The following DNMT3L variants were observed in gnomAD, a reference collection of about 807,000 sequenced individuals.
DNMT3L encodes DNA (cytosine-5)-methyltransferase 3-like.
DNMT3L carries 33 observed loss-of-function variants against 36.2 expected under a neutral mutation model. The observed-to-expected ratio is 0.91, with a 90% CI of 0.69 to 1.22. The LOEUF is 1.22. DNMT3L is among the 50% of genes most tolerant of loss of function. The probability of loss-of-function intolerance (pLI) is 0.00; values close to 1 mark genes in which losing one functional copy is unlikely to be tolerated. For synonymous variants in DNMT3L, 117 were observed against 121.7 expected, an observed-to-expected ratio of 0.96 and a Z score of 0.26; for missense variants, 310 against 303.1, an observed-to-expected ratio of 1.02 and a Z score of -0.17.
At chr21:44,260,664 C>T (rs1420878648) in intron 3 of DNMT3L, 131 bp downstream of exon 3, 1 of 1,176,408 alleles carries the variant, frequency 8.5e-7, no homozygotes, top group African/African-American at 1.5e-5. Context: ...CACTATGTTG[C>T]CTAGGCTGGT....
intron 6 of DNMT3L, among the ~76,000 whole-genome samples, chr21:44,257,292 G>A (rs963347780): frequency 1.3e-5 from 2 of 152,176 alleles, no homozygotes; most frequent in African/African-American, 4.8e-5. Flanking sequence ...AAGGAGAATC[G>A]CTTGAACCCG....
intron 2 of DNMT3L, 54 bp downstream of exon 2, chr21:44,261,100 A>G: frequency 6.3e-7 from 1 of 1,593,500 alleles, no homozygotes; most frequent in South Asian, 1.1e-5. Flanking sequence ...GACCTCATCC[A>G]GGCCTGGGAT....
intron 6 of DNMT3L, among the ~76,000 whole-genome samples, chr21:44,257,717 T>A: frequency 2.5e-4 from 35 of 140,588 alleles, no homozygotes; most frequent in South Asian, 4.5e-4. Flanking sequence ...AATAAATAAA[T>A]AAATAAAAAA....
At position 44,258,485 on chromosome 21, in the gene DNMT3L, T is replaced by G; in HGVS notation, c.516+38A>C. 2 of 1,515,180 alleles carry G rather than the reference T, an allele frequency of 1.3e-6. No homozygotes were observed. The highest frequency in any genetic ancestry group is 1.8e-6 in the Non-Finnish European group (2 of 1,126,114). 93.9% of individuals were successfully genotyped at this position (1,515,180 alleles called of 1,614,324 possible). On this transcript the variant is annotated intron_variant, in intron 6 of 11. Coordinates refer to ENST00000628202, the MANE Select transcript of DNMT3L (RefSeq NM_175867.3). This position sits in a 1 kb window ranked among gnomAD's most constrained non-coding sequence, Gnocchi z 6.2. ...CGAGGGAAGGCCGTAAGTCAGGGCC[T>G]GCTGCTGCCGGGTGCTGCCCCTCCA...
chr21:44,260,863 C>T (rs570957584), intron 2 of DNMT3L, 24 bp from the exon 3 acceptor site: 3 of 1,612,808 alleles, frequency 1.9e-6, no homozygotes, highest in African/African-American at 2.7e-5. Flanking sequence ...TAAGAAGTAG[C>T]CCCTTTCTTC....
rs1345387778 is a variant in DNMT3L, at chr21:44,261,877, G to C, written c.-145C>G. 1.3e-5 allele frequency: 2 copies of C among 152,092 alleles called. No individual in the cohort carries two copies. Among genetic ancestry groups the C allele is most frequent in the African/African-American group, 4.8e-5 (2 of 41,292 alleles). The allele number at this position is 152,092 out of a possible 1,614,324, so 9.4% of individuals were successfully genotyped here. ...GGCGCAGGCAAAGAATGAGCTGGAA[G>C]GATCCAGGCCCACCTGGGACAGCGG... On this transcript the variant is annotated 5_prime_UTR_variant, in exon 1 of 12. Coordinates refer to ENST00000628202, the MANE Select transcript of DNMT3L (RefSeq NM_175867.3).
chr21:44,258,621 A>C lies in DNMT3L; in HGVS notation c.418T>G (p.Trp140Gly), dbSNP rs780805365. The C allele has an allele frequency of 5.8e-5, 94 of 1,612,618 alleles. No homozygotes were observed. The highest frequency in any genetic ancestry group is 7.8e-5 in the Non-Finnish European group (92 of 1,179,942). ...TSGKVHAMSNWVCYLCLPSSR... is the reference protein window; with the variant it reads ...TSGKVHAMSNGVCYLCLPSSR... ...GACGGCAGGCACAGGTAGCACACCC[A>C]GTTGCTCATGGCGTGCACCTTCCCC... The change falls in exon 6 of 12, where the codon TGG becomes GGG. Residue 140 changes from tryptophan (W) to glycine (G), a missense_variant. Trp to Gly is a radical substitution (Grantham distance 184). Coordinates refer to ENST00000628202, the MANE Select transcript of DNMT3L (RefSeq NM_175867.3). This position sits in a 1 kb window ranked among gnomAD's most constrained non-coding sequence, Gnocchi z 6.2.
intron 6 of DNMT3L, among the ~76,000 whole-genome samples, chr21:44,256,419 A>ATTTTTTTTTTTTTTT (rs937821792): frequency 9.6e-6 from 1 of 103,826 alleles, no homozygotes; most frequent in African/African-American, 4.0e-5. Flanking sequence ...GGGTTTGCTG[A>ATTTTTTTTTTTTTTT]TTTTTTTTTT....
chr21:44,259,017 C>T (rs894670159), intron 5 of DNMT3L, among the ~76,000 whole-genome samples: 5 of 152,116 alleles, frequency 3.3e-5, no homozygotes, highest in African/African-American at 4.8e-5. Flanking sequence ...AATGTAGCAA[C>T]AGCAGCTGGG....
At chr21:44,256,918 G>A (rs1386251487) in intron 6 of DNMT3L, among the ~76,000 whole-genome samples, 1 of 152,232 alleles carries the variant, frequency 6.6e-6, no homozygotes, top group African/African-American at 2.4e-5. Flanking sequence ...GGAGCAGGCT[G>A]AAGCTTGCTA....
chr21:44,258,586 G>A lies in DNMT3L; in HGVS notation c.453C>T (p.Ser151=), dbSNP rs76057063. ...ACTTCCTCCGACGCTGCAGCAGCCC[G>A]CTTCGGGAGGACGGCAGGCACAGGT... ...VCYLCLPSSR[S]GLLQRRRKWR... The change falls in exon 6 of 12, where the codon AGC becomes AGT. Residue 151 remains serine (S), a synonymous_variant. Transcript: ENST00000628202. This position sits in a 1 kb window ranked among gnomAD's most constrained non-coding sequence, Gnocchi z 6.2. The A allele has an allele frequency of 6.6e-3, 10,627 of 1,610,440 alleles. 730 individuals are homozygous for A. In the East Asian group the frequency reaches 0.17, roughly 27 times the overall value.
rs1408421398 is a variant in DNMT3L, at chr21:44,260,669, G to A, written c.151+126C>T. 1.2e-5 allele frequency: 15 copies of A among 1,214,912 alleles called. No homozygotes were observed. The East Asian group carries it at 2.6e-4, about 21-fold the overall frequency. 75.3% of individuals were successfully genotyped at this position (1,214,912 alleles called of 1,614,324 possible). ...GACAGAGTCTCACTATGTTGCCTAG[G>A]CTGGTCTCAAACTCCTGGGCTCAAA... On this transcript the variant is annotated intron_variant, in intron 3 of 11. Coordinates refer to ENST00000628202, the MANE Select transcript of DNMT3L (RefSeq NM_175867.3).
intron 2 of DNMT3L, 26 bp from the exon 3 acceptor site, chr21:44,260,865 C>T: frequency 2.5e-6 from 4 of 1,612,848 alleles, no homozygotes; most frequent in Non-Finnish European, 2.5e-6. Context: ...AGAAGTAGCC[C>T]CTTTCTTCTT....
intron 3 of DNMT3L, 54 bp from the exon 4 acceptor site, chr21:44,259,765 A>T: frequency 1.3e-6 from 2 of 1,544,032 alleles, no homozygotes; most frequent in African/African-American, 1.4e-5. Flanking sequence ...CAAATACAGC[A>T]GACGATTAGG....
intron 6 of DNMT3L, among the ~76,000 whole-genome samples, chr21:44,257,880 C>T (rs1354594025): frequency 6.6e-6 from 1 of 152,118 alleles, no homozygotes; most frequent in Non-Finnish European, 1.5e-5. Context: ...GGGCTGCTGG[C>T]ACCCATGGCT....
chr21:44,259,193 G>A (rs2040292548), intron 5 of DNMT3L, among the ~76,000 whole-genome samples: 1 of 152,046 alleles, frequency 6.6e-6, no homozygotes, highest in South Asian at 2.1e-4. Context: ...GGTTTCCATC[G>A]CTCCCCTGCA....
At chr21:44,254,145 C>T (rs1308514842) in intron 8 of DNMT3L, among the ~76,000 whole-genome samples, 1 of 152,212 alleles carries the variant, frequency 6.6e-6, no homozygotes, top group Non-Finnish European at 1.5e-5. Context: ...AGCTGTGTCA[C>T]CTCCTTCCAG....
At chr21:44,255,245 GCA>G (rs905338962) in intron 7 of DNMT3L, among the ~76,000 whole-genome samples, 1 of 152,088 alleles carries the variant, frequency 6.6e-6, no homozygotes, top group Non-Finnish European at 1.5e-5. Context: ...GCACGGCCGG[GCA>G]CAGACGCTCA....
chr21:44,254,129 G>A (rs916629862), intron 8 of DNMT3L, among the ~76,000 whole-genome samples: 12 of 152,212 alleles, frequency 7.9e-5, no homozygotes, highest in Non-Finnish European at 1.3e-4. Flanking sequence ...GGGAACGCAC[G>A]ACTGGAGCTG....
Sources: allele counts gnomAD v4.1 joint callset (sites outside exome capture counted in the v4.1 genomes callset), GRCh38; gene constraint gnomAD v4.1.1; non-coding constraint Gnocchi (gnomAD v3.1); transcripts MANE v1.5; gene names NCBI Gene and HGNC (gene_info 2026-07-23, HGNC 2026-07-21).